CADM2: variants seen among roughly 807,000 people sequenced by gnomAD.
The protein encoded by CADM2 is cell adhesion molecule 2.
CADM2 carries 12 observed loss-of-function variants against 49.8 expected under a neutral mutation model. That is an observed-to-expected ratio of 0.24 (90% confidence interval 0.15 to 0.39). The LOEUF is 0.39. CADM2 is among the 10% of genes least tolerant of loss of function. The pLI, the probability that CADM2 is intolerant of heterozygous loss-of-function variation, is 1.00. For missense variants in CADM2, 378 were observed against 492.3 expected, an observed-to-expected ratio of 0.77 and a Z score of 2.20; for synonymous variants, 214 against 175.4, an observed-to-expected ratio of 1.22 and a Z score of -1.74.
intron 1 of CADM2, among the ~76,000 whole-genome samples, chr3:85,145,613 G>A (rs2107636245): frequency 6.6e-6 from 1 of 152,120 alleles, no homozygotes; most frequent in South Asian, 2.1e-4. Flanking sequence ...AATATTTTAT[G>A]TAGTGGTGTC....
chr3:85,924,895 C>A (rs1236047884), intron 6 of CADM2, among the ~76,000 whole-genome samples: 1 of 152,144 alleles, frequency 6.6e-6, no homozygotes, highest in Non-Finnish European at 1.5e-5. Flanking sequence ...TTTTAAAATA[C>A]AACCAACCCC....
chr3:85,420,424 C>G (rs1170463626), intron 1 of CADM2, among the ~76,000 whole-genome samples: 1 of 152,126 alleles, frequency 6.6e-6, no homozygotes, highest in Admixed American at 6.5e-5. Flanking sequence ...ACATAGGTAA[C>G]TTATGTAATT....
chr3:85,610,024 C>T (rs1281322921), intron 1 of CADM2, among the ~76,000 whole-genome samples: 2 of 151,518 alleles, frequency 1.3e-5, no homozygotes, highest in Non-Finnish European at 1.5e-5. Context: ...ATGTTTAGTC[C>T]CCAAATCTGA....
chr3:85,606,292 C>T (rs2063536203), intron 1 of CADM2, among the ~76,000 whole-genome samples: 1 of 151,996 alleles, frequency 6.6e-6, no homozygotes, highest in Admixed American at 6.6e-5. Flanking sequence ...TATTCTAATG[C>T]ACTACTTACT....
At chr3:85,535,939 A>G (rs967663903) in intron 1 of CADM2, among the ~76,000 whole-genome samples, 3 of 152,138 alleles carry the variant, frequency 2.0e-5, no homozygotes, top group South Asian at 2.1e-4. Flanking sequence ...TTGTGTCTGC[A>G]TATGGTTCTT....
Position 85,504,981 on chromosome 3 carries a change from G to A in CADM2, c.62-221541G>A, listed in dbSNP as rs576496759. Among the ~76,000 whole-genome samples, 7 of 152,226 alleles carry A rather than the reference G, an allele frequency of 4.6e-5. No homozygotes were observed. In the South Asian group the frequency reaches 1.2e-3, roughly 27 times the overall value. Reference sequence around the variant, plus strand: ...GCCGGCTGCTTCGCGTGCGGGGCCCGCCAAGCCCACGCCCACCCGGAACTC... The same window carrying A: ...GCCGGCTGCTTCGCGTGCGGGGCCCACCAAGCCCACGCCCACCCGGAACTC... On this transcript the variant is annotated intron_variant, in intron 1 of 9. Coordinates refer to ENST00000383699, the MANE Select transcript of CADM2 (RefSeq NM_001167675.2).
chr3:86,056,628 T>C (rs1332019339), intron 8 of CADM2, among the ~76,000 whole-genome samples: 2 of 152,186 alleles, frequency 1.3e-5, no homozygotes, highest in African/African-American at 4.8e-5. Flanking sequence ...TGCATGAAAT[T>C]AGTGCACGGA....
intron 1 of CADM2, among the ~76,000 whole-genome samples, chr3:84,960,670 GTTA>G: frequency 1.3e-5 from 2 of 152,312 alleles, no homozygotes; most frequent in South Asian, 2.1e-4. Flanking sequence ...ACAAAACGCT[GTTA>G]TTATGCAAAT....
chr3:85,958,330 C>A (rs1009131095), intron 7 of CADM2, among the ~76,000 whole-genome samples: 5 of 151,938 alleles, frequency 3.3e-5, no homozygotes, highest in Non-Finnish European at 7.4e-5. Context: ...GAAATAGGAA[C>A]GCTTTTATAC....
chr3:85,522,634 T>C (rs2061051772), intron 1 of CADM2, among the ~76,000 whole-genome samples: 1 of 152,168 alleles, frequency 6.6e-6, no homozygotes, highest in Non-Finnish European at 1.5e-5. Flanking sequence ...TAACTGTTTT[T>C]GGATCCCATT....
intron 1 of CADM2, among the ~76,000 whole-genome samples, chr3:85,387,754 T>C (rs2034310912): frequency 1.3e-5 from 2 of 152,210 alleles, no homozygotes; most frequent in Non-Finnish European, 2.9e-5. Flanking sequence ...CATAATTTAA[T>C]GTGTGATCAT....
chr3:85,441,786 T>A (rs902546246), intron 1 of CADM2, among the ~76,000 whole-genome samples: 4 of 152,018 alleles, frequency 2.6e-5, no homozygotes, highest in African/African-American at 9.7e-5. Flanking sequence ...TGGGAGGTTA[T>A]GACACGTGGT....
chr3:85,397,748 T>C (rs1172156850), intron 1 of CADM2, among the ~76,000 whole-genome samples: 2 of 152,114 alleles, frequency 1.3e-5, no homozygotes, highest in African/African-American at 2.4e-5. Flanking sequence ...TGATTAGTTA[T>C]GGTTTATTGG....
chr3:85,261,144 A>G (rs941948581), intron 1 of CADM2, among the ~76,000 whole-genome samples: 1 of 150,354 alleles, frequency 6.7e-6, no homozygotes, highest in African/African-American at 2.5e-5. Context: ...CTATTTATTT[A>G]TTTATTTTTT....
At chr3:85,659,985 T>A (rs1021896531) in intron 1 of CADM2, among the ~76,000 whole-genome samples, 4 of 152,170 alleles carry the variant, frequency 2.6e-5, no homozygotes, top group Non-Finnish European at 4.4e-5. Flanking sequence ...ATTTGTCCAA[T>A]ACCTTCTTTA....
At chr3:85,540,519 C>T (rs2061514292) in intron 1 of CADM2, among the ~76,000 whole-genome samples, 1 of 152,166 alleles carries the variant, frequency 6.6e-6, no homozygotes. Flanking sequence ...CCACAACTTT[C>T]ATGCCAGTGG....
chr3:85,937,795 A>G (rs536738260), intron 7 of CADM2, among the ~76,000 whole-genome samples: 1 of 152,060 alleles, frequency 6.6e-6, no homozygotes, highest in Non-Finnish European at 1.5e-5. Context: ...CGTTTCTGGC[A>G]TGAGTTCTTA....
chr3:85,823,507 G>A (rs1166870582), intron 3 of CADM2, among the ~76,000 whole-genome samples: 1 of 152,096 alleles, frequency 6.6e-6, no homozygotes, highest in African/African-American at 2.4e-5. Context: ...CTCAATGTGT[G>A]TATTTATCTC....
intron 8 of CADM2, among the ~76,000 whole-genome samples, chr3:86,044,565 G>A (rs1334202960): frequency 1.3e-5 from 2 of 152,104 alleles, no homozygotes; most frequent in East Asian, 1.9e-4. Flanking sequence ...GAAACAACAG[G>A]TGCTAGAGAG....
Sources: allele counts gnomAD v4.1 joint callset (sites outside exome capture counted in the v4.1 genomes callset), GRCh38; gene constraint gnomAD v4.1.1; transcripts MANE v1.5; gene names NCBI Gene and HGNC (gene_info 2026-07-23, HGNC 2026-07-21).